The following MAP3K1 variants were observed in gnomAD, a reference collection of about 807,000 sequenced individuals.
MAP3K1 encodes the protein MAP/ERK kinase kinase 1.
A neutral mutation model predicts 144.2 loss-of-function variants in MAP3K1; 36 were observed. The observed-to-expected ratio is 0.25, with a 90% CI of 0.19 to 0.33. The LOEUF is 0.33. MAP3K1 is among the 10% of genes least tolerant of loss of function. MAP3K1 has a pLI of 1.00. For missense variants in MAP3K1, 1,650 were observed against 1,881.9 expected (o/e 0.88, Z 2.28); for synonymous variants, 718 against 688.7 (o/e 1.04, Z -0.67).
rs1748230564 is a variant in MAP3K1, at chr5:56,882,050, G to GCAAAAA, written c.2853_2854insAAACAA (p.Gln951_Pro952insLysGln). 3.1e-6 allele frequency: 5 copies of GCAAAAA among 1,613,396 alleles called. No homozygotes were observed. In the East Asian group the frequency reaches 1.1e-4, roughly 36 times the overall value. On this transcript the variant is annotated inframe_insertion, in exon 14 of 20. Transcript: ENST00000399503. The stretch of plus-strand genomic sequence containing the variant: ...CAACAACAACAACAACAACAACAGA[G>GCAAAAA]CAACCAAAGCCAATGGTTCAAACAA...
intron 6 of MAP3K1, among the ~76,000 whole-genome samples, chr5:56,869,944 G>A (rs1007425925): frequency 2.0e-5 from 3 of 152,186 alleles, no homozygotes; most frequent in African/African-American, 7.2e-5. Context: ...GGACAGACTA[G>A]TAAGTGTGCC....
At chr5:56,864,420 C>G (rs1747612339) in intron 3 of MAP3K1, among the ~76,000 whole-genome samples, 1 of 149,036 alleles carries the variant, frequency 6.7e-6, no homozygotes, top group African/African-American at 2.5e-5. Flanking sequence ...CTCTGTTGCC[C>G]AGGCTGGAGT....
At chr5:56,831,456 C>T (rs1746489558) in intron 1 of MAP3K1, among the ~76,000 whole-genome samples, 1 of 152,000 alleles carries the variant, frequency 6.6e-6, no homozygotes, top group East Asian at 1.9e-4. Context: ...AAAAACCTAG[C>T]CCTAATTTTT....
At position 56,884,693 on chromosome 5, in the gene MAP3K1, G is replaced by A. The variant is rs368973652; in HGVS notation, c.3849G>A (p.Glu1283=). 1.2e-6 allele frequency: 2 copies of A among 1,613,652 alleles called. No individual in the cohort carries two copies. Among genetic ancestry groups the A allele is most frequent in the Non-Finnish European group, 1.7e-6 (2 of 1,179,828 alleles). Residue 1283 remains glutamate, a synonymous_variant, in exon 16 of 20, where the codon GAG becomes GAA. Coordinates refer to ENST00000399503, the MANE Select transcript of MAP3K1 (RefSeq NM_005921.2). The stretch of plus-strand genomic sequence containing the variant: ...CTTATGTCAGAAACACATCTTCTGA[G>A]CAAGAAGAAGTAGTAGAAGCACTAA... ...QVTYVRNTSS[E]QEEVVEALRE...
chr5:56,879,058 C>G lies in MAP3K1; in HGVS notation c.2044C>G (p.Pro682Ala), dbSNP rs780647106. ...AATCAAACTTCAGAGACTTCTCCAG[C>G]CAGTTGTAGACACCATCCTAGTCAA... The part of the protein sequence containing the change: ...ERIKLQRLLQ[P>A]VVDTILVKCA... The change falls in exon 11 of 20, where the codon CCA becomes GCA. Residue 682 changes from proline (P) to alanine (A), a missense_variant. Transcript: ENST00000399503. 1 of 1,613,816 alleles carries G rather than the reference C, an allele frequency of 6.2e-7. No homozygotes were observed. Among genetic ancestry groups the G allele is most frequent in the East Asian group, 2.2e-5 (1 of 44,872 alleles).
At chr5:56,846,454 G>A (rs1747000133) in intron 1 of MAP3K1, among the ~76,000 whole-genome samples, 1 of 152,096 alleles carries the variant, frequency 6.6e-6, no homozygotes, top group South Asian at 2.1e-4. Flanking sequence ...AAAAATAATT[G>A]TACCTGACTC....
At position 56,859,861 on chromosome 5, in the gene MAP3K1, C is replaced by T. The variant is rs1747452813; in HGVS notation, c.780C>T (p.Arg260=). The T allele has an allele frequency of 1.2e-6, 2 of 1,613,812 alleles. No homozygotes were observed. Among genetic ancestry groups the T allele is most frequent in the Non-Finnish European group, 1.7e-6 (2 of 1,179,912 alleles). Reference sequence around the variant, plus strand: ...CTCCTGGCAACTCCCCATCAGGTCGCACAGTGAAATCAGAATCTCCAGGAG... The same window carrying T: ...CTCCTGGCAACTCCCCATCAGGTCGTACAGTGAAATCAGAATCTCCAGGAG... ...SPSPGNSPSG[R]TVKSESPGVR... is the part of the protein sequence containing the mutation. The change falls in exon 3 of 20, where the codon CGC becomes CGT. Residue 260 remains arginine (R), a synonymous_variant. Coordinates refer to ENST00000399503, the MANE Select transcript of MAP3K1 (RefSeq NM_005921.2).
intron 1 of MAP3K1, among the ~76,000 whole-genome samples, chr5:56,834,485 G>T (rs1746587533): frequency 6.6e-6 from 1 of 152,094 alleles, no homozygotes; most frequent in Non-Finnish European, 1.5e-5. Flanking sequence ...ATTTGCTTTT[G>T]GGTGGATCAT....
intron 1 of MAP3K1, among the ~76,000 whole-genome samples, chr5:56,827,845 C>A (rs1746367134): frequency 6.6e-6 from 1 of 150,980 alleles, no homozygotes. Flanking sequence ...GCCTGGGTGA[C>A]ATGACGAAAA....
intron 1 of MAP3K1, among the ~76,000 whole-genome samples, chr5:56,833,896 G>T (rs780559246): frequency 6.6e-6 from 1 of 152,022 alleles, no homozygotes; most frequent in South Asian, 2.1e-4. Flanking sequence ...ATAAGTTAAC[G>T]AATGCCTGCC....
At chr5:56,818,064 G>C (rs1349757970) in intron 1 of MAP3K1, among the ~76,000 whole-genome samples, 2 of 152,148 alleles carry the variant, frequency 1.3e-5, no homozygotes, top group East Asian at 1.9e-4. Context: ...ATTTTTACGA[G>C]TCAGAATGCT....
rs138210344 is a variant in MAP3K1, at chr5:56,823,203, G to A, written c.482+7148G>A. On this transcript the variant is annotated intron_variant, in intron 1 of 19. Coordinates refer to ENST00000399503, the MANE Select transcript of MAP3K1 (RefSeq NM_005921.2). ...CCTGACCGAGTCCCTGCCCGGTTGG[G>A]CCCCTGTCTGCTTCTCCAGGCCCAT... is the stretch of plus-strand genomic sequence containing the variant. Among the ~76,000 whole-genome samples the A allele has an allele frequency of 4.9e-3, 753 of 152,260 alleles. 2 individuals are homozygous for A. Among genetic ancestry groups the A allele is most frequent in the African/African-American group, 0.017 (710 of 41,538 alleles).
intron 11 of MAP3K1, among the ~76,000 whole-genome samples, chr5:56,879,387 GA>G (rs1425857487): frequency 2.0e-5 from 3 of 152,154 alleles, no homozygotes; most frequent in Admixed American, 1.3e-4. Context: ...CAGTCGATAA[GA>G]ACAGTAGTTG....
At chr5:56,847,659 T>C (rs1283580512) in intron 1 of MAP3K1, among the ~76,000 whole-genome samples, 3 of 152,362 alleles carry the variant, frequency 2.0e-5, no homozygotes, top group Admixed American at 6.5e-5. Context: ...AATATTCTTA[T>C]GACTATTTGT....
At chr5:56,887,762 G>T in intron 18 of MAP3K1, 1 of 515,970 alleles carries the variant, frequency 1.9e-6, no homozygotes, top group South Asian at 2.1e-5. Flanking sequence ...AAAGAATTCT[G>T]GGGTAATTTA....
At position 56,884,146 on chromosome 5, in the gene MAP3K1, C is replaced by A. The variant is rs139964132; in HGVS notation, c.3819+467C>A. 9.5e-3 allele frequency among the ~76,000 whole-genome samples: 1,419 copies of A among 150,016 alleles called. 12 individuals carry two copies. Among genetic ancestry groups the A allele is most frequent in the Admixed American group, 0.014 (217 of 15,060 alleles). On this transcript the variant is annotated intron_variant, in intron 15 of 19. Transcript: ENST00000399503. ...CCTGAGCAACAGAGCAAGACTGTCT[C>A]AAAAAAAAATAAATAAAAGTTGAAG...
intron 1 of MAP3K1, among the ~76,000 whole-genome samples, chr5:56,830,701 C>T (rs1746459162): frequency 6.6e-6 from 1 of 152,030 alleles, no homozygotes; most frequent in South Asian, 2.1e-4. Context: ...TTTGGATTAC[C>T]TGTACTGTAC....
intron 1 of MAP3K1, among the ~76,000 whole-genome samples, chr5:56,840,672 A>G (rs1157768572): frequency 1.3e-5 from 2 of 152,198 alleles, no homozygotes; most frequent in Non-Finnish European, 2.9e-5. Context: ...ATTATTCCAG[A>G]TTATGAGAAA....
At chr5:56,862,460 G>C (rs1747545173) in intron 3 of MAP3K1, among the ~76,000 whole-genome samples, 1 of 152,136 alleles carries the variant, frequency 6.6e-6, no homozygotes, top group South Asian at 2.1e-4. Flanking sequence ...AGTATAAACA[G>C]AACTGTCTTC....
Sources: gnomAD v4.1 joint callset for allele counts (sites outside exome capture counted in the v4.1 genomes callset) on GRCh38, gnomAD v4.1.1 for gene constraint, MANE v1.5 for transcripts, NCBI Gene and HGNC (gene_info 2026-07-23, HGNC 2026-07-21) for gene names.